SCG3: variants seen among roughly 807,000 people sequenced by gnomAD.
SCG3 encodes the protein secretogranin III.
In SCG3, 38 loss-of-function variants were observed where a neutral mutation model predicts 56.2. That is an observed-to-expected ratio of 0.68 (90% confidence interval 0.52 to 0.89). SCG3 has a LOEUF of 0.89. Among genes scored for constraint, SCG3 ranks in the 40% least tolerant of loss-of-function variants. The pLI is 0.00. For missense variants in SCG3, 524 were observed against 540.7 expected, an observed-to-expected ratio of 0.97 and a Z score of 0.31; for synonymous variants, 176 against 184.2, an observed-to-expected ratio of 0.96 and a Z score of 0.36.
At chr15:51,689,752 A>AC (rs1477277515) in intron 6 of SCG3, among the ~76,000 whole-genome samples, 1 of 152,128 alleles carries the variant, frequency 6.6e-6, no homozygotes, top group Non-Finnish European at 1.5e-5. Context: ...GCACCACTGC[A>AC]TACCGGTCTG....
At position 51,695,803 on chromosome 15, in the gene SCG3, G is replaced by A. The variant is rs182620870; in HGVS notation, c.869-72G>A. ...CCAAACAAACAAACAAAAAGATGCTGTACTTTATAAATTGACATTGAAAGA... is the reference window on the plus strand; with the variant it reads ...CCAAACAAACAAACAAAAAGATGCTATACTTTATAAATTGACATTGAAAGA... On this transcript the variant is annotated intron_variant, in intron 7 of 11. Coordinates refer to ENST00000220478, the MANE Select transcript of SCG3 (RefSeq NM_013243.4). 4.1e-4 allele frequency: 339 copies of A among 829,912 alleles called. 6 individuals carry two copies. The African/African-American group carries it at 5.4e-3, about 13-fold the overall frequency. The allele number at this position is 829,912 out of a possible 1,614,324, so 51.4% of individuals were successfully genotyped here.
chr15:51,689,397 G>A (rs766353264), intron 6 of SCG3, 29 bp downstream of exon 6: 86 of 1,087,902 alleles, frequency 7.9e-5, no homozygotes, highest in Non-Finnish European at 9.4e-5. Flanking sequence ...GCATATGCAT[G>A]GGGGTGTGTG....
intron 10 of SCG3, among the ~76,000 whole-genome samples, chr15:51,707,093 C>T (rs2055381022): frequency 6.6e-6 from 1 of 152,184 alleles, no homozygotes; most frequent in Non-Finnish European, 1.5e-5. Context: ...TACTCATTCA[C>T]ATCTGTTCTG....
chr15:51,704,794 T>TATAC (rs1461091125), intron 10 of SCG3, among the ~76,000 whole-genome samples: 1 of 140,430 alleles, frequency 7.1e-6, no homozygotes, highest in Admixed American at 7.1e-5. Context: ...TATATATATA[T>TATAC]ACATCTCTCT....
At chr15:51,704,271 ATATATAT>A (rs1567220910) in intron 10 of SCG3, among the ~76,000 whole-genome samples, 1 of 133,556 alleles carries the variant, frequency 7.5e-6, no homozygotes, top group Non-Finnish European at 1.5e-5. Context: ...ATATATATAT[ATATATAT>A]AAAATAGCTC....
rs1388676313 is a variant in SCG3 at position 51,704,240 on chromosome 15, CATACATATATATAT to C, written c.1207+3000_1207+3013del. On this transcript the variant is annotated intron_variant, in intron 10 of 11. Coordinates refer to ENST00000220478, the MANE Select transcript of SCG3 (RefSeq NM_013243.4). Reference sequence around the variant, plus strand: ...ATATATATGTGTGTATACATACATACATACATATATATATATATATATATATATATATATATATA... The same window carrying C: ...ATATATATGTGTGTATACATACATACATATATATATATATATATATATATA... Among the ~76,000 whole-genome samples, 469 of 58,788 alleles carry C rather than the reference CATACATATATATAT, an allele frequency of 8.0e-3. 7 individuals are homozygous for C. Among genetic ancestry groups the C allele is most frequent in the African/African-American group, 0.031 (458 of 14,588 alleles). The allele number at this position is 58,788 out of a possible 152,430, so 38.6% of individuals were successfully genotyped here.
intron 4 of SCG3, among the ~76,000 whole-genome samples, chr15:51,684,044 A>G (rs1356047049): frequency 6.6e-6 from 1 of 152,206 alleles, no homozygotes; most frequent in Non-Finnish European, 1.5e-5. Context: ...TGTCCACTTC[A>G]CAACCTAGAC....
At chr15:51,697,861 A>T (rs1531157) in intron 8 of SCG3, among the ~76,000 whole-genome samples, 26,134 of 152,022 alleles carry the variant, frequency 0.17, 2,680 homozygotes, top group Non-Finnish European at 0.24. Flanking sequence ...CTAGAGTTTG[A>T]GTTATGTCTT....
intron 4 of SCG3, among the ~76,000 whole-genome samples, chr15:51,684,229 A>G (rs2055213925): frequency 6.6e-6 from 1 of 152,036 alleles, no homozygotes; most frequent in African/African-American, 2.4e-5. Context: ...ACTTGTCCAA[A>G]CTCCAATCCT....
intron 5 of SCG3, 26 bp from the exon 6 acceptor site, chr15:51,689,193 A>C (rs774785367): frequency 1.4e-5 from 22 of 1,609,016 alleles, no homozygotes; most frequent in Non-Finnish European, 1.8e-5. Flanking sequence ...TATAGCAGTT[A>C]TATATGTTTT....
chr15:51,709,518 A>G (rs995595188), intron 10 of SCG3, among the ~76,000 whole-genome samples: 1 of 140,042 alleles, frequency 7.1e-6, no homozygotes, highest in Non-Finnish European at 1.5e-5. Flanking sequence ...GATGTAGTAT[A>G]TCTATCACAT....
intron 10 of SCG3, among the ~76,000 whole-genome samples, chr15:51,709,691 A>T (rs374428439): frequency 9.1e-4 from 14 of 15,304 alleles, no homozygotes; most frequent in Admixed American, 1.9e-3. Flanking sequence ...ATATATATAT[A>T]TATATATATA....
intron 4 of SCG3, among the ~76,000 whole-genome samples, chr15:51,685,946 C>A (rs1304174251): frequency 2.0e-5 from 3 of 152,266 alleles, no homozygotes; most frequent in Admixed American, 6.5e-5. Context: ...CATGCCTAAC[C>A]TTTACATCAC....
chr15:51,699,504 A>G (rs2055326321), intron 9 of SCG3, 102 bp downstream of exon 9: 1 of 854,758 alleles, frequency 1.2e-6, no homozygotes, highest in Non-Finnish European at 1.8e-6. Context: ...ACAGATTTTG[A>G]AAAGTGTTAA....
intron 10 of SCG3, among the ~76,000 whole-genome samples, chr15:51,709,682 TATATATATATA>T (rs2055400772): frequency 3.7e-4 from 5 of 13,394 alleles, no homozygotes; most frequent in South Asian, 2.1e-3. Flanking sequence ...TATATATATA[TATATATATATA>T]TATATATATT....
At chr15:51,699,513 A>G in intron 9 of SCG3, 111 bp downstream of exon 9, 1 of 800,386 alleles carries the variant, frequency 1.2e-6, no homozygotes, top group Non-Finnish European at 2.0e-6. Flanking sequence ...GAAAAGTGTT[A>G]AAATCTGAAA....
chr15:51,700,978 A>G lies in SCG3; in HGVS notation c.1070-129A>G, dbSNP rs543677863. 3 of 1,185,438 alleles carry G rather than the reference A, an allele frequency of 2.5e-6. No individual in the cohort carries two copies. The South Asian group carries it at 4.3e-5, about 17-fold the overall frequency. The allele number at this position is 1,185,438 out of a possible 1,614,324, so 73.4% of individuals were successfully genotyped here. A position where few individuals can be genotyped will look rare whatever the true frequency, so the allele number is the denominator to read the frequency against. On this transcript the variant is annotated intron_variant, in intron 9 of 11. Coordinates refer to ENST00000220478, the MANE Select transcript of SCG3 (RefSeq NM_013243.4). The stretch of plus-strand genomic sequence containing the variant: ...AAAGGGTTGGATTAGATAAGCACTA[A>G]GATCCCTTTCAACTCAAAATATGAT...
intron 8 of SCG3, 43 bp downstream of exon 8, chr15:51,696,034 T>C (rs1486210497): frequency 8.8e-7 from 1 of 1,138,828 alleles, no homozygotes; most frequent in Admixed American, 1.8e-5. Flanking sequence ...TGGTTTTCAT[T>C]GTTCAAAGTA....
chr15:51,692,493 C>T (rs1192299333), intron 7 of SCG3, among the ~76,000 whole-genome samples, 157 bp downstream of exon 7: 2 of 151,996 alleles, frequency 1.3e-5, no homozygotes, highest in Middle Eastern at 6.8e-3. Context: ...TTTTTTTTTC[C>T]AAAGGAGCAT....
Sources: gnomAD v4.1 joint callset for allele counts (sites outside exome capture counted in the v4.1 genomes callset) on GRCh38, gnomAD v4.1.1 for gene constraint, MANE v1.5 for transcripts, NCBI Gene and HGNC (gene_info 2026-07-23, HGNC 2026-07-21) for gene names.